Variants in NUCB2 observed in about 807,000 individuals in gnomAD.
NUCB2 encodes nucleobindin 2, also known as nucleobindin-2.
Under a neutral mutation model 57.9 loss-of-function variants are expected in NUCB2, and 48 were observed. That is an observed-to-expected ratio of 0.83 (90% confidence interval 0.66 to 1.05). The LOEUF (loss-of-function observed/expected upper bound fraction) is 1.05. Ranked by LOEUF, NUCB2 falls within the 50% of genes least tolerant of loss-of-function variation. The pLI, the probability that NUCB2 is intolerant of heterozygous loss-of-function variation, is 0.00. For missense variants in NUCB2, 442 were observed against 476.2 expected, an observed-to-expected ratio of 0.93 and a Z score of 0.67; for synonymous variants, 139 against 152.1, an observed-to-expected ratio of 0.91 and a Z score of 0.64.
intron 2 of NUCB2, among the ~76,000 whole-genome samples, chr11:17,342,015 A>C (rs1175027177): frequency 6.6e-6 from 1 of 152,130 alleles, no homozygotes; most frequent in Non-Finnish European, 1.5e-5. Flanking sequence ...GTCTATTCAG[A>C]GATTCAACTT....
At chr11:17,280,573 T>A (rs1348764503) in intron 1 of NUCB2, among the ~76,000 whole-genome samples, 1 of 152,216 alleles carries the variant, frequency 6.6e-6, no homozygotes, top group Non-Finnish European at 1.5e-5. Context: ...CAATCCACGT[T>A]TCCTAGCTCA....
intron 11 of NUCB2, among the ~76,000 whole-genome samples, chr11:17,326,127 A>G (rs1233633024): frequency 2.0e-5 from 3 of 151,438 alleles, no homozygotes; most frequent in South Asian, 2.1e-4. Flanking sequence ...CAGCCTCCCA[A>G]ATAGCTGGGA....
chr11:17,309,648 C>A lies in NUCB2; in HGVS notation c.456C>A (p.Ser152=). The A allele has an allele frequency of 6.2e-7, 1 of 1,604,352 alleles. No homozygotes were observed. The highest frequency in any genetic ancestry group is 1.1e-5 in the South Asian group (1 of 89,284). ...LNHLNPDKFE[S]TDLDMLIKAA... ...ACCTGAATCCTGACAAGTTTGAATC[C>A]ACAGATTTAGATATGCTAATCAAAG... Residue 152 remains serine, a synonymous_variant, in exon 6 of 14, where the codon TCC becomes TCA. Coordinates refer to ENST00000529010, the MANE Select transcript of NUCB2 (RefSeq NM_005013.4).
chr11:17,339,239 C>T (rs981000937), intron 2 of NUCB2, among the ~76,000 whole-genome samples: 3 of 152,092 alleles, frequency 2.0e-5, no homozygotes, highest in Non-Finnish European at 4.4e-5. Context: ...CCACCTGCCT[C>T]AGCCTCCCAA....
chr11:17,287,264 C>A (rs951532947), intron 2 of NUCB2, among the ~76,000 whole-genome samples: 3 of 152,026 alleles, frequency 2.0e-5, no homozygotes, highest in African/African-American at 7.2e-5. Context: ...CCCAGGAAAT[C>A]AAATTTGCAG....
At chr11:17,278,644 G>C (rs1266742137) in intron 1 of NUCB2, 2 of 152,120 alleles carry the variant, frequency 1.3e-5, no homozygotes, top group Non-Finnish European at 2.9e-5. Context: ...GCACAATTAA[G>C]ACAATTAAGG....
chr11:17,326,620 T>A (rs1203371407), intron 11 of NUCB2, among the ~76,000 whole-genome samples: 1 of 152,140 alleles, frequency 6.6e-6, no homozygotes, highest in Non-Finnish European at 1.5e-5. Flanking sequence ...CACCTGGCTG[T>A]ACTTTTTATA....
intron 2 of NUCB2, among the ~76,000 whole-genome samples, chr11:17,346,471 T>TAA (rs67951613): frequency 0.29 from 44,433 of 151,914 alleles, 7,942 homozygotes; most frequent in South Asian, 0.39. Context: ...TAATAAGCAT[T>TAA]TAGATGTCAT....
At chr11:17,307,279 G>A (rs769880188) in intron 5 of NUCB2, among the ~76,000 whole-genome samples, 3 of 151,608 alleles carry the variant, frequency 2.0e-5, no homozygotes, top group Non-Finnish European at 2.9e-5. Context: ...AGTTCCCAAT[G>A]TCCCCTAACA....
chr11:17,308,127 T>A (rs937066202), intron 5 of NUCB2, among the ~76,000 whole-genome samples: 3 of 152,200 alleles, frequency 2.0e-5, no homozygotes, highest in Admixed American at 1.3e-4. Context: ...AAAACTTGGT[T>A]GAACCAGATT....
intron 4 of NUCB2, among the ~76,000 whole-genome samples, chr11:17,297,384 C>T (rs368732252): frequency 1.2e-4 from 19 of 152,236 alleles, no homozygotes; most frequent in South Asian, 2.1e-4. Context: ...TGTCTGTCAG[C>T]GCTCAGGTGT....
At chr11:17,319,400 T>C (rs1234280127) in intron 11 of NUCB2, among the ~76,000 whole-genome samples, 1 of 152,186 alleles carries the variant, frequency 6.6e-6, no homozygotes, top group African/African-American at 2.4e-5. Flanking sequence ...AGGCTTACCT[T>C]ATTCTTTCCC....
At chr11:17,294,343 T>G (rs917091334) in intron 2 of NUCB2, among the ~76,000 whole-genome samples, 4 of 152,166 alleles carry the variant, frequency 2.6e-5, no homozygotes, top group Non-Finnish European at 5.9e-5. Context: ...TCTGATCTGC[T>G]TTCAGATGAT....
intron 1 of NUCB2, among the ~76,000 whole-genome samples, chr11:17,280,475 G>A (rs905942961): frequency 1.1e-4 from 17 of 152,148 alleles, no homozygotes; most frequent in Non-Finnish European, 2.1e-4. Context: ...TTTGAAACTG[G>A]TGCCATGGAG....
chr11:17,335,186 A>G (rs1330954604), downstream of NUCB2, among the ~76,000 whole-genome samples: 1 of 152,168 alleles, frequency 6.6e-6, no homozygotes, highest in African/African-American at 2.4e-5. Flanking sequence ...TGCTTAAATT[A>G]TAAGCAATAT....
chr11:17,324,005 C>T (rs1467615592), intron 11 of NUCB2, among the ~76,000 whole-genome samples: 1 of 152,024 alleles, frequency 6.6e-6, no homozygotes, highest in African/African-American at 2.4e-5. Flanking sequence ...TGTTTAACTT[C>T]AAAAAACCAA....
At chr11:17,300,345 G>A (rs1946501365) in intron 4 of NUCB2, among the ~76,000 whole-genome samples, 1 of 152,122 alleles carries the variant, frequency 6.6e-6, no homozygotes, top group Admixed American at 6.6e-5. Flanking sequence ...TACCCACAGA[G>A]TCGTGAAATC....
In NUCB2 at chr11:17,329,430, G is replaced by T. The variant is rs550544196; in HGVS notation, c.1003-697G>T. Among the ~76,000 whole-genome samples, 3 of 152,248 alleles carry T rather than the reference G, an allele frequency of 2.0e-5. No homozygotes were observed. The South Asian group carries it at 6.2e-4, about 32-fold the overall frequency. ...CTAGGACCCCAGAGCACTTCAGCCCGCATGGTGAGGCCTGCCAGGAAATTC... is the reference window on the plus strand; with the variant it reads ...CTAGGACCCCAGAGCACTTCAGCCCTCATGGTGAGGCCTGCCAGGAAATTC... On this transcript the variant is annotated intron_variant, in intron 11 of 13. Coordinates refer to ENST00000529010, the MANE Select transcript of NUCB2 (RefSeq NM_005013.4).
intron 2 of NUCB2, among the ~76,000 whole-genome samples, chr11:17,342,676 GAT>G (rs1451915308): frequency 2.0e-5 from 3 of 149,200 alleles, no homozygotes; most frequent in African/African-American, 7.4e-5. Flanking sequence ...TGGTCTGAGA[GAT>G]AGTTTGTTAT....
Sources: allele counts gnomAD v4.1 joint callset (sites outside exome capture counted in the v4.1 genomes callset), GRCh38; gene constraint gnomAD v4.1.1; transcripts MANE v1.5; gene names NCBI Gene and HGNC (gene_info 2026-07-23, HGNC 2026-07-21).